LSP1: variants seen among roughly 807,000 people sequenced by gnomAD.
LSP1 encodes lymphocyte-specific protein 1.
Under a neutral mutation model 49.3 loss-of-function variants are expected in LSP1, and 32 were observed. That is an observed-to-expected ratio of 0.65 (90% CI 0.49 to 0.87). LSP1 has a LOEUF of 0.87. Among genes scored for constraint, LSP1 ranks in the 40% least tolerant of loss-of-function variants. The pLI, the probability that LSP1 is intolerant of heterozygous loss-of-function variation, is 0.00. For missense variants in LSP1, 428 were observed against 442.6 expected, an observed-to-expected ratio of 0.97 and a Z score of 0.30; for synonymous variants, 179 against 178.8, an observed-to-expected ratio of 1.00 and a Z score of -0.01.
At chr11:1,861,912 TG>T in intron 1 of LSP1, among the ~76,000 whole-genome samples, 1 of 151,202 alleles carries the variant, frequency 6.6e-6, no homozygotes, top group South Asian at 2.1e-4. Context: ...AACGGATGGA[TG>T]GATGGATGGA....
At chr11:1,871,226 G>T in intron 1 of LSP1, 1 of 986,596 alleles carries the variant, frequency 1.0e-6, no homozygotes, top group Non-Finnish European at 1.2e-6. Context: ...GAAAGAGCAG[G>T]CACGGGGCAG....
intron 1 of LSP1, among the ~76,000 whole-genome samples, chr11:1,874,024 G>C (rs371255735): frequency 3.9e-4 from 45 of 115,406 alleles, no homozygotes; most frequent in Non-Finnish European, 6.1e-4. Flanking sequence ...GCCGGCAGAG[G>C]AGGGAGGCCG....
In LSP1 at chr11:1,880,126, C is replaced by T. The variant is rs141767980; in HGVS notation, c.93C>T (p.Ala31=). 2.8e-4 allele frequency: 453 copies of T among 1,609,116 alleles called. 3 individuals are homozygous for T. The African/African-American group carries it at 4.4e-3, about 15-fold the overall frequency. The change falls in exon 2 of 11, where the codon GCC becomes GCT. Residue 31 remains alanine (A), a synonymous_variant. Coordinates refer to ENST00000311604, the MANE Select transcript of LSP1 (RefSeq NM_002339.3). ...AQWSVEDEEE[A]VHEQCQHERD... is the part of the protein sequence containing the mutation. ...GGAGCGTGGAGGACGAGGAGGAGGC[C>T]GTCCACGAGCAATGCCAGCATGAGA...
intron 1 of LSP1, chr11:1,871,122 C>T (rs1322492753): frequency 1.4e-5 from 14 of 985,410 alleles, no homozygotes; most frequent in Non-Finnish European, 1.7e-5. Flanking sequence ...CAGGTCGCCT[C>T]GCTCGTGGCA....
intron 1 of LSP1, chr11:1,870,247 C>T (rs535289754): frequency 7.7e-7 from 1 of 1,298,972 alleles, no homozygotes; most frequent in Non-Finnish European, 1.0e-6. Flanking sequence ...GTCCTTCATA[C>T]CCCATTTTGC....
chr11:1,889,358 T>G, intron 10 of LSP1: 1 of 712,602 alleles, frequency 1.4e-6, no homozygotes, highest in Non-Finnish European at 2.6e-6. Flanking sequence ...CCTCCGCCAC[T>G]GACATGCGGT....
chr11:1,887,422 T>G, intron 9 of LSP1, 52 bp from the exon 10 acceptor site: 1 of 1,572,324 alleles, frequency 6.4e-7, no homozygotes. Flanking sequence ...GGAGGCAGCA[T>G]CATCTCCTTT....
intron 1 of LSP1, among the ~76,000 whole-genome samples, chr11:1,879,366 C>T (rs1398766894): frequency 6.6e-6 from 1 of 152,138 alleles, no homozygotes; most frequent in African/African-American, 2.4e-5. Flanking sequence ...ACAAAAGAAA[C>T]AGCTCAGAGA....
chr11:1,868,039 C>T (rs1441432465), intron 1 of LSP1, among the ~76,000 whole-genome samples: 1 of 152,344 alleles, frequency 6.6e-6, no homozygotes, highest in Non-Finnish European at 1.5e-5. Context: ...GGAGTCTGCC[C>T]TGTGCCTCCT....
At chr11:1,875,845 G>A (rs1227228699) in intron 1 of LSP1, among the ~76,000 whole-genome samples, 9 of 152,288 alleles carry the variant, frequency 5.9e-5, no homozygotes, top group East Asian at 1.9e-4. Flanking sequence ...TGCTGGCCCC[G>A]GGCTGTCTCT....
intron 10 of LSP1, chr11:1,890,319 G>C (rs536539287): frequency 2.8e-6 from 2 of 711,952 alleles, no homozygotes; most frequent in South Asian, 3.0e-5. Flanking sequence ...GGCTTCGGCG[G>C]GGTGCGGGCC....
intron 1 of LSP1, chr11:1,870,498 C>A (rs1488232871): frequency 2.5e-6 from 3 of 1,194,336 alleles, no homozygotes; most frequent in South Asian, 3.2e-5. Context: ...AGGCCGGGCA[C>A]CCCAGAGCTC....
At chr11:1,876,443 T>G (rs1350912425) in intron 1 of LSP1, 4 of 985,422 alleles carry the variant, frequency 4.1e-6, no homozygotes, top group African/African-American at 1.7e-5. Context: ...CCCCCTCCCC[T>G]CGACATCCTC....
At chr11:1,890,689 G>A (rs553078414) in intron 10 of LSP1, 2 of 623,772 alleles carry the variant, frequency 3.2e-6, no homozygotes, top group African/African-American at 3.6e-5. Context: ...GGGGCCAGGG[G>A]TGTGGAGGCC....
rs535424920 is a variant in LSP1 at position 1,866,834 on chromosome 11, C to T, written c.54-13253C>T. ...GGGGCAGAGCCCCTGCCTGGCTGTG[C>T]GGTGGCTCACCCCCTTGTCACCAGG... On this transcript the variant is annotated intron_variant, in intron 1 of 10. Coordinates refer to ENST00000311604, the MANE Select transcript of LSP1 (RefSeq NM_002339.3). The T allele has an allele frequency of 8.7e-5, 134 of 1,548,974 alleles. No individual in the cohort carries two copies. The Admixed American group carries it at 2.2e-3, about 25-fold the overall frequency.
chr11:1,862,971 C>T (rs926058336), intron 1 of LSP1, among the ~76,000 whole-genome samples: 17 of 152,192 alleles, frequency 1.1e-4, no homozygotes, highest in African/African-American at 4.1e-4. Flanking sequence ...GGGCCAACAC[C>T]ATGGTCTCTA....
intron 1 of LSP1, chr11:1,864,074 A>C: frequency 6.2e-6 from 2 of 321,668 alleles, no homozygotes; most frequent in Non-Finnish European, 7.0e-6. Flanking sequence ...AGAGGAAGGG[A>C]GGGGAGGGGA....
chr11:1,862,656 C>G (rs1439136099), intron 1 of LSP1, among the ~76,000 whole-genome samples: 1 of 152,068 alleles, frequency 6.6e-6, no homozygotes, highest in Non-Finnish European at 1.5e-5. Flanking sequence ...ATCTTCCCTA[C>G]CCCTGGTAAT....
intron 1 of LSP1, among the ~76,000 whole-genome samples, chr11:1,856,998 C>T (rs1847505843): frequency 6.6e-6 from 1 of 152,226 alleles, no homozygotes; most frequent in Non-Finnish European, 1.5e-5. Context: ...TCCCTCCCTA[C>T]ACCTTCCTGT....
Sources: gnomAD v4.1 joint callset for allele counts (sites outside exome capture counted in the v4.1 genomes callset) on GRCh38, gnomAD v4.1.1 for gene constraint, MANE v1.5 for transcripts, NCBI Gene and HGNC (gene_info 2026-07-23, HGNC 2026-07-21) for gene names.